The following TLN2 variants were observed in gnomAD, a reference collection of about 807,000 sequenced individuals.
TLN2 encodes talin 2.
Under a neutral mutation model 294.7 loss-of-function variants are expected in TLN2, and 118 were observed. The observed-to-expected ratio is 0.40, with a 90% CI of 0.34 to 0.47. TLN2 has a LOEUF of 0.47. TLN2 is among the 20% of genes least tolerant of loss of function. The probability of loss-of-function intolerance (pLI) is 0.84; values close to 1 mark genes in which losing one functional copy is unlikely to be tolerated. For synonymous variants in TLN2, 1,431 were observed against 1,304.5 expected (o/e 1.10, Z -2.09); for missense variants, 3,083 against 3,282.2 (o/e 0.94, Z 1.48).
intron 1 of TLN2, among the ~76,000 whole-genome samples, chr15:62,531,670 G>A (rs1160799971): frequency 6.6e-6 from 1 of 152,150 alleles, no homozygotes; most frequent in Non-Finnish European, 1.5e-5. Context: ...GTTGTAATTT[G>A]TCAATTTAGA....
chr15:62,526,738 A>G (rs1489271675), intron 1 of TLN2, among the ~76,000 whole-genome samples: 3 of 152,206 alleles, frequency 2.0e-5, no homozygotes, highest in Non-Finnish European at 2.9e-5. Context: ...CCCTATCCCA[A>G]GTAATCTTTA....
At chr15:62,480,505 G>A (rs965349359) in intron 1 of TLN2, among the ~76,000 whole-genome samples, 2 of 152,230 alleles carry the variant, frequency 1.3e-5, no homozygotes, top group Admixed American at 6.5e-5. Context: ...GATTACAGGC[G>A]TGAGCCACGG....
chr15:62,563,250 G>A (rs1487742747), intron 1 of TLN2, among the ~76,000 whole-genome samples: 1 of 152,002 alleles, frequency 6.6e-6, no homozygotes, highest in Non-Finnish European at 1.5e-5. Flanking sequence ...CATCCACACC[G>A]ACATCTATTA....
chr15:62,480,877 CT>C (rs1319577671), intron 1 of TLN2, among the ~76,000 whole-genome samples: 1 of 152,198 alleles, frequency 6.6e-6, no homozygotes, highest in Non-Finnish European at 1.5e-5. Context: ...GCATTGCTTT[CT>C]TTGCTTCCTG....
chr15:62,411,754 G>A (rs568655762), intron 1 of TLN2, among the ~76,000 whole-genome samples: 4 of 152,086 alleles, frequency 2.6e-5, no homozygotes, highest in Non-Finnish European at 1.5e-5. Flanking sequence ...TTTCAAGTAC[G>A]CCAGAACTTG....
At chr15:62,545,754 G>T (rs2140535606) in intron 1 of TLN2, among the ~76,000 whole-genome samples, 1 of 152,288 alleles carries the variant, frequency 6.6e-6, no homozygotes. Flanking sequence ...CAGAACTCGA[G>T]CCCATCCTGG....
intron 1 of TLN2, among the ~76,000 whole-genome samples, chr15:62,585,901 C>T (rs1236341845): frequency 2.6e-5 from 4 of 152,152 alleles, no homozygotes; most frequent in African/African-American, 9.7e-5. Context: ...TCATGGCACC[C>T]CCTGAGCTGG....
intron 11 of TLN2, among the ~76,000 whole-genome samples, chr15:62,681,303 T>C (rs1232138262): frequency 1.3e-5 from 2 of 152,206 alleles, no homozygotes; most frequent in Non-Finnish European, 2.9e-5. Flanking sequence ...AATTAAAAGT[T>C]AGTAATTCCA....
intron 1 of TLN2, among the ~76,000 whole-genome samples, chr15:62,563,670 A>T (rs928592370): frequency 6.6e-6 from 1 of 152,148 alleles, no homozygotes; most frequent in Non-Finnish European, 1.5e-5. Context: ...TGCCTAAGCC[A>T]ATGTCTAGAA....
At chr15:62,818,836 T>A (rs975070711) in intron 52 of TLN2, among the ~76,000 whole-genome samples, 8 of 90,400 alleles carry the variant, frequency 8.8e-5, no homozygotes, top group South Asian at 5.0e-4. Context: ...TGTTCTTTTT[T>A]TTTTTATTTT....
chr15:62,540,899 T>C (rs566945505), intron 1 of TLN2, among the ~76,000 whole-genome samples: 1 of 152,244 alleles, frequency 6.6e-6, no homozygotes, highest in South Asian at 2.1e-4. Context: ...TCGGGGCACA[T>C]TGGGATCTGG....
chr15:62,547,504 C>T (rs887437457), intron 1 of TLN2, among the ~76,000 whole-genome samples: 3 of 152,172 alleles, frequency 2.0e-5, no homozygotes, highest in African/African-American at 7.2e-5. Flanking sequence ...TATTCATGTT[C>T]CTCATTTAAA....
At chr15:62,518,618 A>G (rs906805374) in intron 1 of TLN2, among the ~76,000 whole-genome samples, 3 of 151,802 alleles carry the variant, frequency 2.0e-5, no homozygotes, top group African/African-American at 7.3e-5. Flanking sequence ...TTTTTTTGAG[A>G]TGGAATTTTT....
In TLN2 at chr15:62,702,754, G is replaced by A. The variant is rs376480110; in HGVS notation, c.1906-12G>A. 40 of 1,613,776 alleles carry A rather than the reference G, an allele frequency of 2.5e-5. 1 individual carries two copies. The African/African-American group carries it at 4.5e-4, about 18-fold the overall frequency. ...GTTTTCTTTCCAATTAAGGTGTGTT[G>A]TTTGTTCACAGCCTCGACAGACAGT... On this transcript the variant is annotated splice_polypyrimidine_tract_variant and intron_variant, in intron 18 of 58. Coordinates refer to ENST00000636159, the MANE Select transcript of TLN2 (RefSeq NM_015059.3).
chr15:62,760,433 C>T (rs930364718), intron 37 of TLN2, among the ~76,000 whole-genome samples: 1 of 151,938 alleles, frequency 6.6e-6, no homozygotes. Context: ...GCCAGTGCCC[C>T]TGTTTTTTTT....
Position 62,703,252 on chromosome 15 carries a change from G to A in TLN2, c.2004+388G>A, listed in dbSNP as rs1048554441. On this transcript the variant is annotated intron_variant, in intron 19 of 58. Transcript: ENST00000636159. ...TGAGTAGCTGGGATTACAGGTGCAC[G>A]CCACCATGCCCGGCTAATTTTTGTA... is the stretch of plus-strand genomic sequence containing the variant. Among the ~76,000 whole-genome samples, 10 of 151,890 alleles carry A rather than the reference G, an allele frequency of 6.6e-5. No individual in the cohort carries two copies. In the East Asian group the frequency reaches 9.7e-4, roughly 15 times the overall value.
chr15:62,583,893 T>G (rs1403267073), intron 1 of TLN2, among the ~76,000 whole-genome samples: 1 of 152,212 alleles, frequency 6.6e-6, no homozygotes, highest in South Asian at 2.1e-4. Context: ...ATTCATGGCA[T>G]CTCTGTTTTT....
intron 2 of TLN2, among the ~76,000 whole-genome samples, chr15:62,604,427 C>T (rs886613391): frequency 6.6e-6 from 1 of 151,206 alleles, no homozygotes; most frequent in South Asian, 2.1e-4. Flanking sequence ...CCTCCCGTCC[C>T]AGCCACTTGG....
intron 1 of TLN2, among the ~76,000 whole-genome samples, chr15:62,514,780 T>C (rs1285690851): frequency 1.3e-5 from 2 of 152,238 alleles, no homozygotes; most frequent in African/African-American, 4.8e-5. Context: ...TCCTAAATAA[T>C]TGGCATTGCT....
Sources: allele counts gnomAD v4.1 joint callset (sites outside exome capture counted in the v4.1 genomes callset), GRCh38; gene constraint gnomAD v4.1.1; transcripts MANE v1.5; gene names NCBI Gene and HGNC (gene_info 2026-07-23, HGNC 2026-07-21).